FBXO47: variants seen among roughly 807,000 people sequenced by gnomAD.
FBXO47 encodes the protein F-box only protein 47.
FBXO47 carries 34 observed loss-of-function variants against 53.9 expected under a neutral mutation model. That is an observed-to-expected ratio of 0.63 (90% CI 0.48 to 0.84). The LOEUF (loss-of-function observed/expected upper bound fraction) is 0.84. Ranked by LOEUF, FBXO47 falls within the 40% of genes least tolerant of loss-of-function variation. The probability of loss-of-function intolerance (pLI) is 0.00; values close to 1 mark genes in which losing one functional copy is unlikely to be tolerated. For missense variants in FBXO47, 485 were observed against 541.3 expected, an observed-to-expected ratio of 0.90 and a Z score of 1.03; for synonymous variants, 165 against 181.6, an observed-to-expected ratio of 0.91 and a Z score of 0.73.
intron 6 of FBXO47, among the ~76,000 whole-genome samples, chr17:38,946,409 GATAT>G (rs1302200901): frequency 1.9e-5 from 1 of 52,028 alleles, no homozygotes; most frequent in Admixed American, 3.5e-4. Flanking sequence ...TAAATATATA[GATAT>G]ATATATAACT....
In FBXO47 at chr17:38,942,892, A is replaced by T. The variant is rs750185487; in HGVS notation, c.969T>A (p.Asn323Lys). The T allele has an allele frequency of 1.2e-6, 2 of 1,611,000 alleles. No individual in the cohort carries two copies. Among genetic ancestry groups the T allele is most frequent in the Non-Finnish European group, 1.7e-6 (2 of 1,179,144 alleles). ...SVVPREWLLE[N>K]NARLLMLSGN... is the part of the protein sequence containing the mutation. ...CACTTAGCATTAGGAGACGTGCATT[A>T]TTCTCTAGAAGCCACTCACGGGGAA... Residue 323 changes from asparagine to lysine, a missense_variant, in exon 9 of 11, where the codon AAT (asparagine) becomes AAA (lysine). Asn to Lys is a moderately conservative substitution (Grantham distance 94). Transcript: ENST00000378079.
At chr17:38,952,905 C>T (rs1369903458) in intron 5 of FBXO47, among the ~76,000 whole-genome samples, 2 of 147,860 alleles carry the variant, frequency 1.4e-5, no homozygotes, top group African/African-American at 5.0e-5. Flanking sequence ...CGGCCTGCAT[C>T]AGCCTCCCAA....
At chr17:38,947,101 T>C (rs111757517) in intron 6 of FBXO47, among the ~76,000 whole-genome samples, 324 of 92,480 alleles carry the variant, frequency 3.5e-3, no homozygotes, top group African/African-American at 9.3e-3. Context: ...TAAACATATA[T>C]ATAAACATAT....
At chr17:38,965,722 A>G (rs1441241009) in intron 1 of FBXO47, among the ~76,000 whole-genome samples, 1 of 144,740 alleles carries the variant, frequency 6.9e-6, no homozygotes, top group East Asian at 2.0e-4. Context: ...AAAAAAAAAA[A>G]AAAAAAAAAA....
intron 6 of FBXO47, among the ~76,000 whole-genome samples, chr17:38,946,985 T>C (rs1567717571): frequency 7.4e-6 from 1 of 134,904 alleles, no homozygotes; most frequent in African/African-American, 2.8e-5. Context: ...TATGTAAATA[T>C]ATATAAACAT....
intron 1 of FBXO47, among the ~76,000 whole-genome samples, chr17:38,964,345 C>T (rs1178047335): frequency 6.6e-6 from 1 of 151,982 alleles, no homozygotes; most frequent in Non-Finnish European, 1.5e-5. Context: ...CCTGTAATCC[C>T]AGCACTTTGG....
At chr17:38,951,218 C>T (rs1322529755) in intron 6 of FBXO47, among the ~76,000 whole-genome samples, 3 of 151,306 alleles carry the variant, frequency 2.0e-5, no homozygotes. Flanking sequence ...TTTATCGAGA[C>T]AGGGTCACAC....
rs1598144529 is a variant in FBXO47, at chr17:38,951,596, C to T, written c.601G>A (p.Val201Ile). ...AGTTTTTTACCTGGTTTGCTGCAGACAGCCATTTGTATCTTGCGGCAGAGA... is the reference window on the plus strand; with the variant it reads ...AGTTTTTTACCTGGTTTGCTGCAGATAGCCATTTGTATCTTGCGGCAGAGA... ...TNLCRKIQMA[V>I]CSKPGSAQKL... Residue 201 changes from valine (V) to isoleucine (I), a missense_variant, in exon 6 of 11, where the codon GTC (valine) becomes ATC (isoleucine). Val to Ile is a conservative substitution (Grantham distance 29). Transcript: ENST00000378079. 1.9e-6 allele frequency: 3 copies of T among 1,612,510 alleles called. No homozygotes were observed. Among genetic ancestry groups the T allele is most frequent in the Non-Finnish European group, 2.5e-6 (3 of 1,178,950 alleles).
At chr17:38,951,327 T>A (rs1480951713) in intron 6 of FBXO47, among the ~76,000 whole-genome samples, 1 of 152,136 alleles carries the variant, frequency 6.6e-6, no homozygotes, top group Non-Finnish European at 1.5e-5. Flanking sequence ...CCTGAGTAGC[T>A]GGGACCACAG....
intron 6 of FBXO47, among the ~76,000 whole-genome samples, chr17:38,946,048 AAATATAT>A (rs1904761674): frequency 1.8e-5 from 2 of 111,196 alleles, no homozygotes; most frequent in South Asian, 2.5e-4. Flanking sequence ...AATATATATA[AAATATAT>A]AAATACATAA....
At position 38,945,156 on chromosome 17, in the gene FBXO47, G is replaced by A. The variant is rs748350227; in HGVS notation, c.617-20C>T. On this transcript the variant is annotated intron_variant, in intron 6 of 10. Coordinates refer to ENST00000378079, the MANE Select transcript of FBXO47 (RefSeq NM_001008777.3). ...CACTTCCTATGAAGACAAAAGAATT[G>A]TAAATCATTCTTCGTAGAAAGGCTG... 55 of 1,567,110 alleles carry A rather than the reference G, an allele frequency of 3.5e-5. No individual in the cohort carries two copies. In the East Asian group the frequency reaches 1.1e-3, roughly 33 times the overall value.
chr17:38,961,765 G>GAAAACC, intron 3 of FBXO47, 112 bp downstream of exon 3: 1 of 873,214 alleles, frequency 1.1e-6, no homozygotes, highest in East Asian at 2.5e-5. Context: ...CATAGAAACA[G>GAAAACC]GCATATTTTG....
chr17:38,965,336 T>C (rs1292679241), intron 1 of FBXO47, among the ~76,000 whole-genome samples: 3 of 152,222 alleles, frequency 2.0e-5, no homozygotes, highest in African/African-American at 7.2e-5. Flanking sequence ...TATAATTGTA[T>C]CTGGCCAAAA....
chr17:38,939,279 C>G (rs1237494661), intron 9 of FBXO47, among the ~76,000 whole-genome samples: 2 of 106,422 alleles, frequency 1.9e-5, no homozygotes, highest in Non-Finnish European at 3.4e-5. Flanking sequence ...GGGGACAGAG[C>G]CAGACTCCAT....
At chr17:38,964,036 G>C (rs1041759988) in intron 1 of FBXO47, among the ~76,000 whole-genome samples, 29 of 152,032 alleles carry the variant, frequency 1.9e-4, no homozygotes, top group African/African-American at 7.0e-4. Context: ...TTGAACTCCT[G>C]AGCTCAAGTG....
intron 6 of FBXO47, among the ~76,000 whole-genome samples, chr17:38,945,948 A>AAAAAAAAAAAAAAAAT (rs1184511532): frequency 7.7e-5 from 9 of 117,156 alleles, no homozygotes; most frequent in African/African-American, 2.8e-4. Context: ...AAAAAAAAAA[A>AAAAAAAAAAAAAAAAT]ATATATATAT....
At chr17:38,959,934 T>A (rs944929926) in intron 3 of FBXO47, among the ~76,000 whole-genome samples, 1 of 152,024 alleles carries the variant, frequency 6.6e-6, no homozygotes, top group Non-Finnish European at 1.5e-5. Context: ...AACCTCATGA[T>A]TTTTTTCAGC....
chr17:38,951,505 T>C (rs1201106987), intron 6 of FBXO47, 76 bp downstream of exon 6: 7 of 1,196,584 alleles, frequency 5.8e-6, no homozygotes, highest in African/African-American at 3.1e-5. Flanking sequence ...AAATTACTTT[T>C]AATTACATTT....
chr17:38,957,793 T>C (rs1905627428), intron 3 of FBXO47, among the ~76,000 whole-genome samples: 2 of 151,558 alleles, frequency 1.3e-5, no homozygotes, highest in South Asian at 4.2e-4. Context: ...CTCGACCTTG[T>C]GGGCTCCAGT....
Sources: allele counts gnomAD v4.1 joint callset (sites outside exome capture counted in the v4.1 genomes callset), GRCh38; gene constraint gnomAD v4.1.1; transcripts MANE v1.5; gene names NCBI Gene and HGNC (gene_info 2026-07-23, HGNC 2026-07-21).